Variants in EPB41L4B observed in about 807,000 individuals in gnomAD.
EPB41L4B encodes the protein band 4.1-like protein 4B.
In EPB41L4B, 30 loss-of-function variants were observed where a neutral mutation model predicts 112.5. The ratio of observed to expected loss-of-function variants is 0.27; its 90% CI spans 0.20 to 0.36. EPB41L4B has a LOEUF of 0.36. Among genes scored for constraint, EPB41L4B ranks in the 10% least tolerant of loss-of-function variants. EPB41L4B has a pLI of 1.00. For synonymous variants in EPB41L4B, 408 were observed against 439.7 expected (o/e 0.93, Z 0.90); for missense variants, 1,024 against 1,133.3 (o/e 0.90, Z 1.38).
chr9:109,177,734 A>G (rs1406365413), intron 24 of EPB41L4B, among the ~76,000 whole-genome samples: 1 of 151,910 alleles, frequency 6.6e-6, no homozygotes, highest in Non-Finnish European at 1.5e-5. Flanking sequence ...GAGGCAGGAG[A>G]ATCGCTTGAA....
At chr9:109,273,953 A>G (rs1835721129) in intron 2 of EPB41L4B, among the ~76,000 whole-genome samples, 1 of 152,166 alleles carries the variant, frequency 6.6e-6, no homozygotes, top group Admixed American at 6.5e-5. Context: ...CAAGTGGCAA[A>G]TGTGATGACA....
chr9:109,221,239 AG>A (rs1445019057), intron 15 of EPB41L4B, among the ~76,000 whole-genome samples: 3 of 144,962 alleles, frequency 2.1e-5, no homozygotes, highest in East Asian at 2.3e-4. Context: ...GAGGGGAGGG[AG>A]GGGGAGGAAG....
chr9:109,226,573 C>G (rs560640956), intron 15 of EPB41L4B, among the ~76,000 whole-genome samples: 3 of 145,878 alleles, frequency 2.1e-5, no homozygotes, highest in South Asian at 2.1e-4. Flanking sequence ...TTGCCCATGA[C>G]TTATATACAA....
rs1343288817 is a variant in EPB41L4B, at chr9:109,320,836, C to G, written c.-390G>C. 6.9e-6 allele frequency: 1 copy of G among 145,612 alleles called. No homozygotes were observed. Among genetic ancestry groups the G allele is most frequent in the African/African-American group, 2.5e-5 (1 of 40,590 alleles). The allele number at this position is 145,612 out of a possible 1,614,324, so 9.0% of individuals were successfully genotyped here. On this transcript the variant is annotated 5_prime_UTR_variant, in exon 1 of 26. Transcript: ENST00000374566. ...GGCGGGCTGCGGGCTGCTCCCGCGC[C>G]GCGCGCCGGCCGAGGGCCAGCCGGA...
chr9:109,227,858 G>A (rs1833836263), intron 15 of EPB41L4B, among the ~76,000 whole-genome samples: 1 of 152,146 alleles, frequency 6.6e-6, no homozygotes, highest in Non-Finnish European at 1.5e-5. Context: ...GGGATTACAG[G>A]TGTGAGCCAC....
At chr9:109,309,287 C>A (rs1435389912) in intron 1 of EPB41L4B, among the ~76,000 whole-genome samples, 1 of 152,132 alleles carries the variant, frequency 6.6e-6, no homozygotes, top group African/African-American at 2.4e-5. Flanking sequence ...GATGTGAATA[C>A]TATAGATCCC....
chr9:109,267,581 T>C (rs368204121), intron 3 of EPB41L4B, 30 bp from the exon 4 acceptor site: 494 of 1,452,544 alleles, frequency 3.4e-4, no homozygotes, highest in South Asian at 6.1e-4. Flanking sequence ...AGGTTGAAGA[T>C]GTTTTTCCCC....
At chr9:109,264,868 CT>C (rs1564304593) in intron 5 of EPB41L4B, 111 bp downstream of exon 5, 15 of 951,454 alleles carry the variant, frequency 1.6e-5, no homozygotes, top group African/African-American at 3.3e-5. Flanking sequence ...GCCTGGTGCA[CT>C]TTTTTTGAAT....
At chr9:109,290,754 CCTCACA>C (rs1836495468) in intron 1 of EPB41L4B, among the ~76,000 whole-genome samples, 1 of 141,826 alleles carries the variant, frequency 7.1e-6, no homozygotes, top group Non-Finnish European at 1.5e-5. Context: ...CATATATATA[CCTCACA>C]CACACACACA....
At chr9:109,226,695 T>TGAAGAATATATATATGAA (rs35569532) in intron 15 of EPB41L4B, among the ~76,000 whole-genome samples, 39 of 113,774 alleles carry the variant, frequency 3.4e-4, no homozygotes, top group East Asian at 1.7e-3. Context: ...AATATATATA[T>TGAAGAATATATATATGAA]GAATATATAT....
intron 15 of EPB41L4B, among the ~76,000 whole-genome samples, chr9:109,218,128 T>TC (rs1246017663): frequency 2.4e-5 from 3 of 123,078 alleles, no homozygotes; most frequent in Admixed American, 7.7e-5. Flanking sequence ...TAATAATTCT[T>TC]TTTTTTTTTT....
chr9:109,174,343 T>C lies in EPB41L4B; in HGVS notation c.*211A>G, dbSNP rs1251934037. On this transcript the variant is annotated 3_prime_UTR_variant, in exon 26 of 26. Coordinates refer to ENST00000374566, the MANE Select transcript of EPB41L4B (RefSeq NM_019114.5). ...TAGACTTATCAAATCCTGTCTCAACTACATAGAGTAATAGAAAAACTCTAA... is the reference window on the plus strand; with the variant it reads ...TAGACTTATCAAATCCTGTCTCAACCACATAGAGTAATAGAAAAACTCTAA... 1.9e-6 allele frequency: 1 copy of C among 519,294 alleles called. No homozygotes were observed. Among genetic ancestry groups the C allele is most frequent in the African/African-American group, 1.9e-5 (1 of 52,490 alleles). 32.2% of individuals were successfully genotyped at this position (519,294 alleles called of 1,614,324 possible).
intron 1 of EPB41L4B, among the ~76,000 whole-genome samples, chr9:109,291,476 T>C (rs1564324440): frequency 6.6e-6 from 1 of 152,124 alleles, no homozygotes; most frequent in Non-Finnish European, 1.5e-5. Flanking sequence ...AGCAGATTAT[T>C]TGCTCACAAA....
At chr9:109,263,784 C>T (rs192960172) in intron 5 of EPB41L4B, among the ~76,000 whole-genome samples, 31 of 152,266 alleles carry the variant, frequency 2.0e-4, no homozygotes, top group African/African-American at 6.7e-4. Flanking sequence ...CAGTGAGCCC[C>T]CCCGACCCAT....
At chr9:109,253,095 A>C (rs984486740) in intron 12 of EPB41L4B, among the ~76,000 whole-genome samples, 2 of 152,230 alleles carry the variant, frequency 1.3e-5, no homozygotes, top group Non-Finnish European at 2.9e-5. Context: ...AAATTGCAAG[A>C]TGATGGAGAT....
At chr9:109,268,769 C>T (rs866073350) in intron 2 of EPB41L4B, among the ~76,000 whole-genome samples, 72 of 151,918 alleles carry the variant, frequency 4.7e-4, no homozygotes, top group African/African-American at 1.7e-3. Flanking sequence ...TGGTGGCGCG[C>T]GCCTGTAGTC....
chr9:109,320,497 G>GCCGCTC lies in EPB41L4B; in HGVS notation c.-52_-51insGAGCGG, dbSNP rs1470303119. ...CGCCCCCTGCGCTGCCGCTGCCGCT[G>GCCGCTC]CCGCTGCCGCTGCGCCGCCGCCCGG... On this transcript the variant is annotated 5_prime_UTR_variant, in exon 1 of 26. Coordinates refer to ENST00000374566, the MANE Select transcript of EPB41L4B (RefSeq NM_019114.5). 2.1e-6 allele frequency: 2 copies of GCCGCTC among 935,062 alleles called. No homozygotes were observed. The highest frequency in any genetic ancestry group is 2.5e-6 in the Non-Finnish European group (2 of 786,870). 57.9% of individuals were successfully genotyped at this position (935,062 alleles called of 1,614,324 possible).
At chr9:109,242,902 C>T (rs564788550) in intron 15 of EPB41L4B, among the ~76,000 whole-genome samples, 1 of 149,878 alleles carries the variant, frequency 6.7e-6, no homozygotes, top group African/African-American at 2.5e-5. Flanking sequence ...AAACACAGTC[C>T]AGCAGATGCC....
chr9:109,281,373 TA>T (rs141716284), intron 1 of EPB41L4B, among the ~76,000 whole-genome samples: 293 of 152,222 alleles, frequency 1.9e-3, no homozygotes, highest in African/African-American at 6.7e-3. Flanking sequence ...AAATCAAAAT[TA>T]CAATCAAATA....
Sources: gnomAD v4.1 joint callset for allele counts (sites outside exome capture counted in the v4.1 genomes callset) on GRCh38, gnomAD v4.1.1 for gene constraint, MANE v1.5 for transcripts, NCBI Gene and HGNC (gene_info 2026-07-23, HGNC 2026-07-21) for gene names.